The following TBC1D8 variants were observed in gnomAD, a reference collection of about 807,000 sequenced individuals.
The protein encoded by TBC1D8 is TBC1 domain family member 8.
A neutral mutation model predicts 118.8 loss-of-function variants in TBC1D8; 65 were observed. The ratio of observed to expected loss-of-function variants is 0.55; its 90% confidence interval spans 0.45 to 0.67. The LOEUF (loss-of-function observed/expected upper bound fraction) is 0.67. Among genes scored for constraint, TBC1D8 ranks in the 30% least tolerant of loss-of-function variants. The pLI, the probability that TBC1D8 is intolerant of heterozygous loss-of-function variation, is 0.00. For synonymous variants in TBC1D8, 566 were observed against 595.8 expected (o/e 0.95, Z 0.73); for missense variants, 1,376 against 1,471.2 (o/e 0.94, Z 1.06).
intron 1 of TBC1D8, among the ~76,000 whole-genome samples, chr2:101,120,750 G>A (rs1390971787): frequency 6.6e-6 from 1 of 152,232 alleles, no homozygotes; most frequent in Non-Finnish European, 1.5e-5. Flanking sequence ...ACAGAGCCAA[G>A]TGCCCCATGG....
intron 1 of TBC1D8, among the ~76,000 whole-genome samples, chr2:101,106,313 A>C (rs888101396): frequency 6.6e-6 from 1 of 152,208 alleles, no homozygotes; most frequent in African/African-American, 2.4e-5. Flanking sequence ...GTTTGTCAAA[A>C]CCCACAGAAC....
At chr2:101,080,374 G>A (rs1464001970) in intron 2 of TBC1D8, among the ~76,000 whole-genome samples, 1 of 152,022 alleles carries the variant, frequency 6.6e-6, no homozygotes, top group Non-Finnish European at 1.5e-5. Context: ...AAAAAAGATG[G>A]GGTTGGCACT....
At chr2:101,142,271 C>T (rs1230603219) in intron 1 of TBC1D8, among the ~76,000 whole-genome samples, 1 of 152,170 alleles carries the variant, frequency 6.6e-6, no homozygotes, top group Non-Finnish European at 1.5e-5. Flanking sequence ...TAGGGCTGTT[C>T]ACAAAAGTCC....
At chr2:101,055,978 C>T (rs1014499642) in intron 3 of TBC1D8, among the ~76,000 whole-genome samples, 2 of 151,930 alleles carry the variant, frequency 1.3e-5, no homozygotes, top group African/African-American at 4.8e-5. Context: ...CAGCAAGACC[C>T]CATCTCTAAA....
At chr2:101,057,601 G>A (rs1682512130) in intron 3 of TBC1D8, among the ~76,000 whole-genome samples, 1 of 152,222 alleles carries the variant, frequency 6.6e-6, no homozygotes, top group Non-Finnish European at 1.5e-5. Context: ...CAAGGCAGGA[G>A]GATTGCTTGA....
chr2:101,148,289 C>T (rs1036989150), intron 1 of TBC1D8, among the ~76,000 whole-genome samples: 3 of 152,216 alleles, frequency 2.0e-5, no homozygotes, highest in South Asian at 2.1e-4. Context: ...GCCTCTACTC[C>T]CACCCAACTT....
chr2:101,042,425 A>G (rs1225129736), intron 5 of TBC1D8, among the ~76,000 whole-genome samples: 2 of 152,322 alleles, frequency 1.3e-5, no homozygotes, highest in East Asian at 3.9e-4. Flanking sequence ...AGGAATATGA[A>G]TTCTTGGCTT....
At chr2:101,100,776 T>G (rs1004961306) in intron 1 of TBC1D8, among the ~76,000 whole-genome samples, 1 of 151,778 alleles carries the variant, frequency 6.6e-6, no homozygotes, top group Non-Finnish European at 1.5e-5. Flanking sequence ...CTGACAAAAA[T>G]AAGCAATCGG....
rs1212894175 is a variant in TBC1D8 at position 101,007,971 on chromosome 2, T to C, written c.3318A>G (p.Ser1106=). The C allele has an allele frequency of 6.2e-7, 1 of 1,613,910 alleles. No individual in the cohort carries two copies. Among genetic ancestry groups the C allele is most frequent in the African/African-American group, 1.3e-5 (1 of 74,940 alleles). The change falls in exon 20 of 20, where the codon TCA becomes TCG. Residue 1106 remains serine, a synonymous_variant. Transcript: ENST00000409318. The stretch of plus-strand genomic sequence containing the variant: ...TGACTAATGACTGTTCAGTCAGAAG[T>C]GAAGCTAAAATATGTTCAAGGGAGA... ...WTVSLEHILA[S]LLTEQSLVNF... is the part of the protein sequence containing the mutation.
In TBC1D8 at chr2:101,038,443, G is replaced by T; in HGVS notation, c.1275+18C>A. 6.2e-7 allele frequency: 1 copy of T among 1,610,796 alleles called. No homozygotes were observed. The highest frequency in any genetic ancestry group is 1.1e-5 in the South Asian group (1 of 91,012). Reference sequence around the variant, plus strand: ...GAGACATGAAGAAGGGGATCATCAGGGTCTGGAGGGACCATACCATGTCAT... The same window carrying T: ...GAGACATGAAGAAGGGGATCATCAGTGTCTGGAGGGACCATACCATGTCAT... On this transcript the variant is annotated intron_variant, in intron 7 of 19. Coordinates refer to ENST00000409318, the MANE Select transcript of TBC1D8 (RefSeq NM_001330348.2).
At position 101,011,523 on chromosome 2, in the gene TBC1D8, G is replaced by A. The variant is rs769722651; in HGVS notation, c.2845C>T (p.Arg949Ter). The change falls in exon 18 of 20, where the codon CGA (arginine) becomes TGA (stop). Residue 949 changes from arginine to a stop codon, truncating the protein, a stop_gained. Transcript: ENST00000409318. LOFTEE classifies it high-confidence loss of function. ...HIPPALTENDRDSQSPLRNPL... is the reference protein window; with the variant it reads ...HIPPALTEND Reference sequence around the variant, plus strand: ...TTCCTCAACGGCGACTGGCTGTCTCGGTCATTTTCAGTGAGTGCTTAAAAA... The same window carrying A: ...TTCCTCAACGGCGACTGGCTGTCTCAGTCATTTTCAGTGAGTGCTTAAAAA... 6 of 1,613,834 alleles carry A rather than the reference G, an allele frequency of 3.7e-6. No homozygotes were observed. The highest frequency in any genetic ancestry group is 4.2e-6 in the Non-Finnish European group (5 of 1,179,850).
chr2:101,043,985 G>A (rs979737099), intron 5 of TBC1D8, among the ~76,000 whole-genome samples: 2 of 152,074 alleles, frequency 1.3e-5, no homozygotes, highest in African/African-American at 4.8e-5. Flanking sequence ...CCGTATCTGA[G>A]GCAACTAAAC....
chr2:101,079,072 C>A (rs954973631), intron 2 of TBC1D8, among the ~76,000 whole-genome samples: 88 of 152,156 alleles, frequency 5.8e-4, no homozygotes, highest in African/African-American at 2.0e-3. Context: ...AGAAGGAGAG[C>A]TCCAGGCAGC....
At chr2:101,081,351 T>C (rs1675251400) in intron 2 of TBC1D8, among the ~76,000 whole-genome samples, 1 of 152,128 alleles carries the variant, frequency 6.6e-6, no homozygotes, top group Non-Finnish European at 1.5e-5. Context: ...CACTTTCCTT[T>C]CTTTCTGTTT....
intron 15 of TBC1D8, among the ~76,000 whole-genome samples, chr2:101,024,622 G>C (rs377082856): frequency 6.6e-6 from 1 of 152,062 alleles, no homozygotes; most frequent in Non-Finnish European, 1.5e-5. Context: ...GGTCAGGCTG[G>C]TCTCAAACTC....
rs116810938 is a variant in TBC1D8, at chr2:101,117,214, G to A, written c.128-26850C>T. On this transcript the variant is annotated intron_variant, in intron 1 of 19. Coordinates refer to ENST00000409318, the MANE Select transcript of TBC1D8 (RefSeq NM_001330348.2). ...GTGGACAAGCTGACTTTGGACTTCT[G>A]GACAACAGAACTGTGGTTTTGTTTT... 8.2e-3 allele frequency among the ~76,000 whole-genome samples: 1,245 copies of A among 152,226 alleles called. 18 individuals are homozygous for A. The highest frequency in any genetic ancestry group is 0.028 in the African/African-American group (1,178 of 41,520).
chr2:101,090,486 C>A, intron 1 of TBC1D8, 122 bp from the exon 2 acceptor site: 1 of 1,055,968 alleles, frequency 9.5e-7, no homozygotes, highest in Non-Finnish European at 1.4e-6. Flanking sequence ...GTTTTACATC[C>A]AGTTCTTCAA....
chr2:101,053,937 A>C (rs1300510185), intron 4 of TBC1D8, among the ~76,000 whole-genome samples, 171 bp downstream of exon 4: 1 of 152,222 alleles, frequency 6.6e-6, no homozygotes. Context: ...AATTCTCCAG[A>C]TCTAATCCCC....
At chr2:101,115,699 C>T (rs1019622916) in intron 1 of TBC1D8, among the ~76,000 whole-genome samples, 19 of 151,916 alleles carry the variant, frequency 1.3e-4, no homozygotes, top group Non-Finnish European at 7.4e-5. Flanking sequence ...TGCAATGAGC[C>T]GAGATTGTAC....
Sources: gnomAD v4.1 joint callset for allele counts (sites outside exome capture counted in the v4.1 genomes callset) on GRCh38, gnomAD v4.1.1 for gene constraint, MANE v1.5 for transcripts, NCBI Gene and HGNC (gene_info 2026-07-23, HGNC 2026-07-21) for gene names.